The following RBFOX1 variants were observed in gnomAD, a reference collection of about 807,000 sequenced individuals.
The protein encoded by RBFOX1 is RNA binding protein fox-1 homolog 1.
RBFOX1 carries 8 observed loss-of-function variants against 57.7 expected under a neutral mutation model. That is an observed-to-expected ratio of 0.14 (90% CI 0.08 to 0.25). RBFOX1 has a LOEUF of 0.25. Ranked by LOEUF, RBFOX1 falls within the 10% of genes least tolerant of loss-of-function variation. RBFOX1 has a pLI of 1.00. For synonymous variants in RBFOX1, 326 were observed against 222.4 expected (o/e 1.47, Z -4.15); for missense variants, 611 against 548.5 (o/e 1.11, Z -1.14).
chr16:6,019,866 G>T lies in RBFOX1; in HGVS notation c.-253G>T. The T allele has an allele frequency of 6.5e-7, 1 of 1,534,270 alleles. No homozygotes were observed. The highest frequency in any genetic ancestry group is 8.7e-7 in the Non-Finnish European group (1 of 1,146,150). On this transcript the variant is annotated 5_prime_UTR_variant, in exon 1 of 16. Coordinates refer to ENST00000550418, the MANE Select transcript of RBFOX1 (RefSeq NM_018723.4). The surrounding 1 kb of genome is among the most constrained non-coding windows in gnomAD (Gnocchi z 4.2). The stretch of plus-strand genomic sequence containing the variant: ...CCGCGAAGTTGCGGACAGTGCGTGA[G>T]AAACCAGCACCCCCTTCCGCCGCCT...
chr16:6,918,036 C>G (rs1481538086), intron 3 of RBFOX1, among the ~76,000 whole-genome samples: 1 of 152,110 alleles, frequency 6.6e-6, no homozygotes, highest in Non-Finnish European at 1.5e-5. Flanking sequence ...CCTGTAATCC[C>G]AGCACTTTGG....
At chr16:5,967,196 A>C (rs564412769) in intron 4 of RBFOX1, among the ~76,000 whole-genome samples, 20 of 152,140 alleles carry the variant, frequency 1.3e-4, no homozygotes, top group Non-Finnish European at 1.9e-4. Flanking sequence ...TTACAAAAAC[A>C]TTTGCCAGTC....
intron 10 of RBFOX1, among the ~76,000 whole-genome samples, chr16:7,626,578 G>A (rs1045894889): frequency 3.3e-5 from 5 of 152,176 alleles, no homozygotes; most frequent in Non-Finnish European, 4.4e-5. Flanking sequence ...TACAGTCATC[G>A]ACAGTCCAGG....
At chr16:7,290,262 T>G (rs868458595) in intron 4 of RBFOX1, among the ~76,000 whole-genome samples, 2 of 152,198 alleles carry the variant, frequency 1.3e-5, no homozygotes, top group African/African-American at 2.4e-5. Context: ...TATTTGAAAT[T>G]GGGAGTATGG....
intron 1 of RBFOX1, among the ~76,000 whole-genome samples, chr16:5,244,148 C>T (rs975025808): frequency 3.9e-5 from 6 of 152,084 alleles, no homozygotes; most frequent in African/African-American, 1.2e-4. Context: ...CTGCCTGCCT[C>T]GGCCTCCCAA....
At chr16:5,519,504 A>G (rs1238875856) in intron 2 of RBFOX1, among the ~76,000 whole-genome samples, 1 of 152,196 alleles carries the variant, frequency 6.6e-6, no homozygotes. Context: ...TGGGAGGATC[A>G]CTTGAACCCA....
intron 3 of RBFOX1, among the ~76,000 whole-genome samples, chr16:6,912,745 G>T (rs2072004483): frequency 1.3e-5 from 2 of 151,766 alleles, no homozygotes; most frequent in South Asian, 4.2e-4. Context: ...AGCCTACTGA[G>T]TAGCTGGGAC....
At chr16:5,723,799 G>C (rs2052027949) in intron 3 of RBFOX1, among the ~76,000 whole-genome samples, 1 of 152,224 alleles carries the variant, frequency 6.6e-6, no homozygotes, top group African/African-American at 2.4e-5. Context: ...GAAAGCAGTG[G>C]AGGTCTCATG....
chr16:6,782,203 C>T lies in RBFOX1; in HGVS notation c.-16+127553C>T, dbSNP rs111498302. Among the ~76,000 whole-genome samples, 288 of 152,244 alleles carry T rather than the reference C, an allele frequency of 1.9e-3. 1 individual carries two copies. Among genetic ancestry groups the T allele is most frequent in the African/African-American group, 5.9e-3 (244 of 41,548 alleles). ...TGTATTTTCAGTAGATACAGGGTTT[C>T]GCCATGTTGGCCAGGGTGATCTCTG... On this transcript the variant is annotated intron_variant, in intron 3 of 15. Transcript: ENST00000550418.
At chr16:7,371,431 GA>G (rs2097563545) in intron 4 of RBFOX1, among the ~76,000 whole-genome samples, 1 of 152,124 alleles carries the variant, frequency 6.6e-6, no homozygotes, top group Non-Finnish European at 1.5e-5. Flanking sequence ...TTAGGAGAAA[GA>G]AAAAAGCACC....
intron 3 of RBFOX1, among the ~76,000 whole-genome samples, chr16:6,922,052 C>T (rs915830523): frequency 1.3e-5 from 2 of 152,180 alleles, no homozygotes; most frequent in African/African-American, 4.8e-5. Flanking sequence ...CAACTGGCAG[C>T]TGGTATTACT....
intron 3 of RBFOX1, among the ~76,000 whole-genome samples, chr16:6,944,904 C>G (rs1482404388): frequency 1.3e-5 from 2 of 152,126 alleles, no homozygotes; most frequent in African/African-American, 2.4e-5. Context: ...GAATTTGCAG[C>G]TCTTAGCTAT....
intron 2 of RBFOX1, among the ~76,000 whole-genome samples, chr16:5,547,490 G>C (rs557325810): frequency 6.6e-6 from 1 of 151,632 alleles, no homozygotes; most frequent in East Asian, 2.0e-4. Context: ...TATGCTCAGT[G>C]AAAGATGCCA....
Position 6,019,207 on chromosome 16 carries a change from C to G in RBFOX1, c.-912C>G. Reference sequence around the variant, plus strand: ...CTCTTTATTCTCTCCCGCCCTCCTACAAGCGCTCTTGCTGGCCGTCTGGGT... The same window carrying G: ...CTCTTTATTCTCTCCCGCCCTCCTAGAAGCGCTCTTGCTGGCCGTCTGGGT... On this transcript the variant is annotated 5_prime_UTR_variant, in exon 1 of 16. Coordinates refer to ENST00000550418, the MANE Select transcript of RBFOX1 (RefSeq NM_018723.4). This position sits in a 1 kb window ranked among gnomAD's most constrained non-coding sequence, Gnocchi z 4.2. The G allele has an allele frequency of 4.1e-6, 4 of 985,298 alleles. No individual in the cohort carries two copies. Among genetic ancestry groups the G allele is most frequent in the Non-Finnish European group, 4.8e-6 (4 of 829,958 alleles). The allele number at this position is 985,298 out of a possible 1,614,324, so 61.0% of individuals were successfully genotyped here.
chr16:7,088,766 G>T (rs866699594), intron 4 of RBFOX1, among the ~76,000 whole-genome samples: 1 of 152,310 alleles, frequency 6.6e-6, no homozygotes, highest in East Asian at 1.9e-4. Context: ...CAAAGTCCTT[G>T]CTCTGTGATT....
rs144469923 is a variant in RBFOX1 at position 6,869,197 on chromosome 16, C to T, written c.-15-182860C>T. 5.2e-3 allele frequency among the ~76,000 whole-genome samples: 785 copies of T among 152,272 alleles called. 7 individuals are homozygous for T. Among genetic ancestry groups the T allele is most frequent in the African/African-American group, 0.018 (735 of 41,540 alleles). ...TGCTTTGCACGCTCATCTCTTCCTTCCCCCACTTGCCATTATCAGCAACAC... is the reference window on the plus strand; with the variant it reads ...TGCTTTGCACGCTCATCTCTTCCTTTCCCCACTTGCCATTATCAGCAACAC... On this transcript the variant is annotated intron_variant, in intron 3 of 15. Coordinates refer to ENST00000550418, the MANE Select transcript of RBFOX1 (RefSeq NM_018723.4).
At chr16:7,359,789 C>T (rs955973025) in intron 4 of RBFOX1, among the ~76,000 whole-genome samples, 12 of 152,120 alleles carry the variant, frequency 7.9e-5, no homozygotes, top group African/African-American at 2.7e-4. Context: ...TCGAGACCAT[C>T]CTGGCTAACA....
chr16:6,717,801 T>C (rs1250738776), intron 3 of RBFOX1, among the ~76,000 whole-genome samples: 2 of 152,092 alleles, frequency 1.3e-5, no homozygotes, highest in African/African-American at 4.8e-5. Flanking sequence ...CAGCAGAAAA[T>C]ATTGGGTACT....
downstream of RBFOX1, among the ~76,000 whole-genome samples, chr16:5,605,036 C>T (rs2047519418): frequency 6.6e-6 from 1 of 152,230 alleles, no homozygotes. Flanking sequence ...CACACACCCA[C>T]TCACCCGGCC....
Sources: allele counts gnomAD v4.1 joint callset (sites outside exome capture counted in the v4.1 genomes callset), GRCh38; gene constraint gnomAD v4.1.1; non-coding constraint Gnocchi (gnomAD v3.1); transcripts MANE v1.5; gene names NCBI Gene and HGNC (gene_info 2026-07-23, HGNC 2026-07-21).